Variants in MPDZ observed in about 807,000 individuals in gnomAD.
MPDZ encodes multiple PDZ domain crumbs cell polarity complex component, also known as multiple PDZ domain protein.
A neutral mutation model predicts 239.1 loss-of-function variants in MPDZ; 234 were observed. That is an observed-to-expected ratio of 0.98 (90% CI 0.88 to 1.09). The LOEUF (loss-of-function observed/expected upper bound fraction) is 1.09, where lower values mean the gene tolerates loss of function less well. Among genes scored for constraint, MPDZ ranks in the 50% least tolerant of loss-of-function variants. MPDZ has a pLI of 0.00. For synonymous variants in MPDZ, 1,048 were observed against 881.3 expected (o/e 1.19, Z -3.35); for missense variants, 3,175 against 2,510.0 (o/e 1.26, Z -5.66).
At chr9:13,198,958 G>A (rs1472142966) in intron 12 of MPDZ, among the ~76,000 whole-genome samples, 1 of 151,548 alleles carries the variant, frequency 6.6e-6, no homozygotes, top group East Asian at 1.9e-4. Context: ...CATAGGTATG[G>A]CATTGAATAT....
chr9:13,217,212 G>T lies in MPDZ; in HGVS notation c.1169C>A (p.Thr390Asn). Residue 390 changes from threonine (T) to asparagine (N), a missense_variant, in exon 9 of 47, where the codon ACC becomes AAC. Physicochemically the swap from Thr to Asn is moderately conservative, Grantham distance 65. Coordinates refer to ENST00000319217, the MANE Select transcript of MPDZ (RefSeq NM_001378778.1). Reference protein sequence around the residue: ...LTKNVQGLGITIAGYIGDKKL... With the variant: ...LTKNVQGLGINIAGYIGDKKL... ...TTTATCTCCAATGTAGCCAGCAATG[G>T]TAATTCCTAATCCTTGGACATTTTT... 6.3e-7 allele frequency: 1 copy of T among 1,599,880 alleles called. No individual in the cohort carries two copies. The highest frequency in any genetic ancestry group is 1.1e-5 in the South Asian group (1 of 87,644).
chr9:13,156,445 G>T (rs1313092524), intron 24 of MPDZ, among the ~76,000 whole-genome samples: 2 of 152,216 alleles, frequency 1.3e-5, no homozygotes, highest in Non-Finnish European at 2.9e-5. Context: ...ACAGAGGCAA[G>T]GAGGAGCAAG....
intron 24 of MPDZ, among the ~76,000 whole-genome samples, chr9:13,153,018 T>C (rs1178346188): frequency 3.3e-5 from 5 of 152,110 alleles, no homozygotes; most frequent in Admixed American, 3.3e-4. Context: ...TGCTCCATGC[T>C]GCACAAAGGA....
rs376710130 is a variant in MPDZ at position 13,219,763 on chromosome 9, C to T, written c.882G>A (p.Gly294=). The change falls in exon 8 of 47, where the codon GGG becomes GGA. Residue 294 remains glycine, a synonymous_variant. Transcript: ENST00000319217. ...ILPGGVADQH[G]RLCSGDHILK... is the part of the protein sequence containing the mutation. ...GAATGTGGTCTCCACTGCATAAACGCCCATGCTGAGTAAAACAATATTGAA... is the reference window on the plus strand; with the variant it reads ...GAATGTGGTCTCCACTGCATAAACGTCCATGCTGAGTAAAACAATATTGAA... 9.9e-6 allele frequency: 16 copies of T among 1,612,016 alleles called. No homozygotes were observed. In the African/African-American group the frequency reaches 1.9e-4, roughly 19 times the overall value.
At position 13,113,056 on chromosome 9, in the gene MPDZ, T is replaced by G. The variant is rs1301915378; in HGVS notation, c.5558-2A>C. The G allele has an allele frequency of 2.5e-6, 4 of 1,573,688 alleles. No individual in the cohort carries two copies. In the Admixed American group the frequency reaches 7.4e-5, roughly 29 times the overall value. Reference sequence around the variant, plus strand: ...TTAATCCCTGTATTTCAGATGCCACTGTAAAGGCAAAAAAGATAAAATAGG... The same window carrying G: ...TTAATCCCTGTATTTCAGATGCCACGGTAAAGGCAAAAAAGATAAAATAGG... On this transcript the variant is annotated splice_acceptor_variant, in intron 41 of 46. Coordinates refer to ENST00000319217, the MANE Select transcript of MPDZ (RefSeq NM_001378778.1). LOFTEE classifies it high-confidence loss of function.
intron 12 of MPDZ, among the ~76,000 whole-genome samples, chr9:13,199,172 C>T (rs1176941769): frequency 2.6e-5 from 4 of 151,722 alleles, no homozygotes. Context: ...TTTTTGTGTC[C>T]TTTTCAATTT....
At chr9:13,242,417 T>TG (rs1965644690) in intron 3 of MPDZ, among the ~76,000 whole-genome samples, 1 of 151,692 alleles carries the variant, frequency 6.6e-6, no homozygotes, top group Non-Finnish European at 1.5e-5. Context: ...GTAGAGATGA[T>TG]GGGGTTTCAC....
intron 16 of MPDZ, 36 bp downstream of exon 16, chr9:13,190,078 G>C (rs372796291): frequency 2.4e-5 from 38 of 1,554,036 alleles, no homozygotes; most frequent in Non-Finnish European, 3.2e-5. Context: ...AGCAACAATA[G>C]GCCTTTAAAA....
In MPDZ at chr9:13,143,577, A is replaced by T. The variant is rs372074346; in HGVS notation, c.3742-13T>A. On this transcript the variant is annotated splice_polypyrimidine_tract_variant and intron_variant, in intron 26 of 46. Coordinates refer to ENST00000319217, the MANE Select transcript of MPDZ (RefSeq NM_001378778.1). ...GCAAAGGGGATTTCTAAAAGGAAAC[A>T]TAAGAGGCGCTGAACGCAAAGGAAA... 1 of 1,601,144 alleles carries T rather than the reference A, an allele frequency of 6.2e-7. No homozygotes were observed. The highest frequency in any genetic ancestry group is 1.3e-5 in the African/African-American group (1 of 74,610).
At chr9:13,184,180 T>G (rs1953764360) in intron 18 of MPDZ, among the ~76,000 whole-genome samples, 2 of 152,012 alleles carry the variant, frequency 1.3e-5, no homozygotes, top group South Asian at 4.1e-4. Flanking sequence ...GTTATAAACT[T>G]GTAAGAAAAC....
chr9:13,154,704 T>C (rs1026194904), intron 24 of MPDZ, among the ~76,000 whole-genome samples: 1 of 152,094 alleles, frequency 6.6e-6, no homozygotes, highest in African/African-American at 2.4e-5. Context: ...ACTGCAGTAA[T>C]GAAAGCAAGA....
intron 1 of MPDZ, among the ~76,000 whole-genome samples, chr9:13,265,614 C>A (rs1227739881): frequency 1.3e-5 from 2 of 152,158 alleles, no homozygotes; most frequent in African/African-American, 2.4e-5. Flanking sequence ...CAAAAGCATA[C>A]CCATGGGACC....
chr9:13,229,304 A>T (rs1382370529), intron 3 of MPDZ, among the ~76,000 whole-genome samples: 1 of 152,136 alleles, frequency 6.6e-6, no homozygotes, highest in Non-Finnish European at 1.5e-5. Flanking sequence ...ACAGGGGAAT[A>T]TACAGAAGCA....
intron 19 of MPDZ, among the ~76,000 whole-genome samples, chr9:13,182,974 A>G (rs896769878): frequency 6.6e-6 from 1 of 152,154 alleles, no homozygotes; most frequent in African/African-American, 2.4e-5. Context: ...AAAACATATG[A>G]CAGCATTAAG....
At chr9:13,273,643 T>G (rs1177895251) in intron 1 of MPDZ, among the ~76,000 whole-genome samples, 4 of 152,208 alleles carry the variant, frequency 2.6e-5, no homozygotes, top group Admixed American at 6.5e-5. Context: ...AAATATCATG[T>G]GAGCCACATA....
At chr9:13,223,111 C>A (rs1564070657) in intron 5 of MPDZ, among the ~76,000 whole-genome samples, 1 of 151,962 alleles carries the variant, frequency 6.6e-6, no homozygotes, top group East Asian at 1.9e-4. Flanking sequence ...TATACAAATA[C>A]TATACCACTT....
intron 46 of MPDZ, among the ~76,000 whole-genome samples, chr9:13,107,828 A>T (rs1941739561): frequency 6.6e-6 from 1 of 152,162 alleles, no homozygotes; most frequent in Non-Finnish European, 1.5e-5. Flanking sequence ...TAAAATTAAA[A>T]ATATGGAAAA....
intron 25 of MPDZ, 143 bp from the exon 26 acceptor site, chr9:13,147,801 C>G: frequency 1.6e-6 from 1 of 620,938 alleles, no homozygotes. Flanking sequence ...ACATGTGAAG[C>G]TGCAGAACTT....
chr9:13,189,589 C>G (rs111641751), intron 16 of MPDZ, among the ~76,000 whole-genome samples: 1,571 of 152,212 alleles, frequency 0.01, 21 homozygotes, highest in African/African-American at 0.036. Flanking sequence ...AAGTAAGGAA[C>G]AACAGCTGCA....
Sources: allele counts gnomAD v4.1 joint callset (sites outside exome capture counted in the v4.1 genomes callset), GRCh38; gene constraint gnomAD v4.1.1; transcripts MANE v1.5; gene names NCBI Gene and HGNC (gene_info 2026-07-23, HGNC 2026-07-21).